DCLK2: variants seen among roughly 807,000 people sequenced by gnomAD.
DCLK2 encodes doublecortin like kinase 2, also known as serine/threonine-protein kinase DCLK2.
A neutral mutation model predicts 78.4 loss-of-function variants in DCLK2; 31 were observed. The observed-to-expected ratio is 0.40, with a 90% CI of 0.30 to 0.53. The LOEUF is 0.53. Among genes scored for constraint, DCLK2 ranks in the 20% least tolerant of loss-of-function variants. The pLI is 0.61. For missense variants in DCLK2, 872 were observed against 973.7 expected (o/e 0.90, Z 1.39); for synonymous variants, 407 against 374.9 (o/e 1.09, Z -0.99).
intron 4 of DCLK2, among the ~76,000 whole-genome samples, chr4:150,199,454 C>T (rs910814621): frequency 1.1e-4 from 17 of 152,226 alleles, no homozygotes; most frequent in African/African-American, 3.9e-4. Context: ...TGCTCACCCC[C>T]TCCCCACCCT....
chr4:150,169,637 C>T (rs1736363605), intron 2 of DCLK2, among the ~76,000 whole-genome samples: 1 of 128,786 alleles, frequency 7.8e-6, no homozygotes, highest in African/African-American at 3.1e-5. Context: ...AGCTGGGTGA[C>T]AAGAGTGAAA....
At chr4:150,246,612 G>A (rs917926023) in intron 12 of DCLK2, among the ~76,000 whole-genome samples, 2 of 152,102 alleles carry the variant, frequency 1.3e-5, no homozygotes, top group African/African-American at 4.8e-5. Context: ...TTTCTCATGG[G>A]GCCTTGTAAT....
At chr4:150,217,569 C>T (rs969105014) in intron 5 of DCLK2, among the ~76,000 whole-genome samples, 4 of 152,186 alleles carry the variant, frequency 2.6e-5, no homozygotes, top group African/African-American at 9.7e-5. Context: ...AGCTTAGGTG[C>T]ACCTATCCCT....
At chr4:150,163,927 C>A (rs149704368) in intron 2 of DCLK2, among the ~76,000 whole-genome samples, 1 of 152,168 alleles carries the variant, frequency 6.6e-6, no homozygotes, top group East Asian at 1.9e-4. Flanking sequence ...CAGTACCAAC[C>A]CTTTGCAACA....
intron 1 of DCLK2, among the ~76,000 whole-genome samples, chr4:150,097,531 T>C (rs966488324): frequency 8.5e-5 from 13 of 152,186 alleles, no homozygotes; most frequent in Admixed American, 1.3e-4. Context: ...TGAGTAAGGA[T>C]GAAAGTTAAC....
chr4:150,150,796 C>T (rs1734832772), intron 2 of DCLK2, among the ~76,000 whole-genome samples: 1 of 152,216 alleles, frequency 6.6e-6, no homozygotes, highest in Non-Finnish European at 1.5e-5. Context: ...CTTTTGTTGC[C>T]TTGTGAACTG....
At chr4:150,145,949 G>A (rs748877476) in intron 2 of DCLK2, among the ~76,000 whole-genome samples, 4 of 152,186 alleles carry the variant, frequency 2.6e-5, no homozygotes, top group African/African-American at 9.7e-5. Flanking sequence ...AAACACTGCT[G>A]ATTCTGAAGA....
intron 8 of DCLK2, among the ~76,000 whole-genome samples, chr4:150,229,531 T>C (rs1042781352): frequency 3.3e-5 from 5 of 152,060 alleles, no homozygotes; most frequent in Admixed American, 2.6e-4. Context: ...GCCAGGTTTG[T>C]TGAATAAGAT....
intron 2 of DCLK2, among the ~76,000 whole-genome samples, chr4:150,164,584 A>T (rs908343941): frequency 6.6e-6 from 1 of 152,188 alleles, no homozygotes; most frequent in Non-Finnish European, 1.5e-5. Context: ...GGATCACCTG[A>T]GGTCAAGAGT....
chr4:150,177,301 C>A (rs1260423809), intron 2 of DCLK2, among the ~76,000 whole-genome samples: 3 of 151,806 alleles, frequency 2.0e-5, no homozygotes, highest in African/African-American at 7.3e-5. Context: ...TTTTAAAATG[C>A]TTTTTTTTCC....
chr4:150,079,153 C>T lies in DCLK2; in HGVS notation c.126C>T (p.Asn42=). 1 of 1,601,652 alleles carries T rather than the reference C, an allele frequency of 6.2e-7. No individual in the cohort carries two copies. The highest frequency in any genetic ancestry group is 8.5e-7 in the Non-Finnish European group (1 of 1,174,130). ...GGSSSSGPKG[N]GLIPSPAHSA... ...GCAGCAGCTCGGGCCCCAAGGGGAA[C>T]GGGCTCATCCCCAGTCCGGCGCACA... Residue 42 remains asparagine (N), a synonymous_variant, in exon 1 of 16, where the codon AAC becomes AAT. Transcript: ENST00000296550.
At chr4:150,127,701 T>A (rs1733016459) in intron 2 of DCLK2, among the ~76,000 whole-genome samples, 1 of 152,242 alleles carries the variant, frequency 6.6e-6, no homozygotes, top group African/African-American at 2.4e-5. Context: ...TCTCTCCGTG[T>A]GTGTCTACAG....
At chr4:150,099,225 A>G (rs1412217167) in intron 1 of DCLK2, among the ~76,000 whole-genome samples, 2 of 152,150 alleles carry the variant, frequency 1.3e-5, no homozygotes, top group East Asian at 1.9e-4. Context: ...AAGAATGATT[A>G]TTGATTTCTT....
chr4:150,102,630 G>T lies in DCLK2; in HGVS notation c.574G>T (p.Asp192Tyr), dbSNP rs746372275. The change falls in exon 2 of 16, where the codon GAT becomes TAT. Residue 192 changes from aspartate to tyrosine, a missense_variant. Around this residue, in one of 3 missense-constraint regions of DCLK2, gnomAD observed 567 missense variants for 593.4 expected, o/e 0.96. Transcript: ENST00000296550. Reference sequence around the variant, plus strand: ...GAAAAGTGAAGTAAAAGAAAGTAAAGATTTCATCAAACCCAAGTTAGTGAC... The same window carrying T: ...GAAAAGTGAAGTAAAAGAAAGTAAATATTTCATCAAACCCAAGTTAGTGAC... ...SVKSEVKESKDFIKPKLVTVI... is the reference protein window; with the variant it reads ...SVKSEVKESKYFIKPKLVTVI... 1.2e-6 allele frequency: 2 copies of T among 1,614,184 alleles called. No individual in the cohort carries two copies. Among genetic ancestry groups the T allele is most frequent in the South Asian group, 2.2e-5 (2 of 91,084 alleles).
intron 2 of DCLK2, among the ~76,000 whole-genome samples, chr4:150,177,419 G>A (rs1180083143): frequency 6.6e-6 from 1 of 152,066 alleles, no homozygotes; most frequent in African/African-American, 2.4e-5. Context: ...TTCATAATTA[G>A]AGATGTAGTC....
At chr4:150,233,202 A>G (rs1049407876) in intron 10 of DCLK2, among the ~76,000 whole-genome samples, 1 of 152,112 alleles carries the variant, frequency 6.6e-6, no homozygotes. Flanking sequence ...GGCAGGAGAG[A>G]AAGAGAGCGA....
chr4:150,193,369 A>C, intron 3 of DCLK2, 129 bp downstream of exon 3: 1 of 505,744 alleles, frequency 2.0e-6, no homozygotes, highest in South Asian at 4.7e-5. Context: ...CATTGGCAGT[A>C]CAATTTTTGA....
rs540978992 is a variant in DCLK2, at chr4:150,080,111, G to GCCCCCCC, written c.421+667_421+673dup. 2.5e-4 allele frequency among the ~76,000 whole-genome samples: 32 copies of GCCCCCCC among 129,590 alleles called. 1 individual carries two copies. The highest frequency in any genetic ancestry group is 7.4e-4 in the South Asian group (3 of 4,074). 85.0% of individuals were successfully genotyped at this position (129,590 alleles called of 152,430 possible). A position where few individuals can be genotyped will look rare whatever the true frequency, so the allele number is the denominator to read the frequency against. On this transcript the variant is annotated intron_variant, in intron 1 of 15. Transcript: ENST00000296550. ...GGGTTAGGCGTCTGGAGTCTCAAAA[G>GCCCCCCC]CCCCCCCCCCAGGTGATTCTAATGT... is the stretch of plus-strand genomic sequence containing the variant.
intron 4 of DCLK2, 87 bp downstream of exon 4, chr4:150,198,190 T>A: frequency 8.1e-7 from 1 of 1,236,586 alleles, no homozygotes. Context: ...TTAGTAGTCT[T>A]TGCCAGGGTC....
Sources: allele counts gnomAD v4.1 joint callset (sites outside exome capture counted in the v4.1 genomes callset), GRCh38; gene constraint gnomAD v4.1.1; regional missense constraint gnomAD v4.1.1; transcripts MANE v1.5; gene names NCBI Gene and HGNC (gene_info 2026-07-23, HGNC 2026-07-21).